The following MTAP variants were observed in gnomAD, a reference collection of about 807,000 sequenced individuals.
MTAP encodes methylthioadenosine phosphorylase, also known as S-methyl-5'-thioadenosine phosphorylase.
MTAP carries 33 observed loss-of-function variants against 33.6 expected under a neutral mutation model. The ratio of observed to expected loss-of-function variants is 0.98; its 90% CI spans 0.74 to 1.31. The LOEUF (loss-of-function observed/expected upper bound fraction) is 1.31, where lower values mean the gene tolerates loss of function less well. Ranked by LOEUF, MTAP falls within the 40% of genes most tolerant of loss-of-function variation. MTAP has a pLI of 0.00. For missense variants in MTAP, 367 were observed against 360.0 expected (o/e 1.02, Z -0.16); for synonymous variants, 148 against 125.7 (o/e 1.18, Z -1.19).
chr9:21,930,696 C>T lies in MTAP; in HGVS notation c.148-312C>T, dbSNP rs1818943502. 11 of 575,804 alleles carry T rather than the reference C, an allele frequency of 1.9e-5. 1 individual carries two copies. In the South Asian group the frequency reaches 2.1e-4, roughly 11 times the overall value. 35.7% of individuals were successfully genotyped at this position (575,804 alleles called of 1,614,324 possible). On this transcript the variant is annotated intron_variant, in intron 1 of 1. Coordinates refer to the MTAP transcript ENST00000577563. ...TAACACTTTAGCAGTTGTAGTCCTC[C>T]AAAACTGTCAAGGACTAGATATGTT...
intron 1 of MTAP, among the ~76,000 whole-genome samples, chr9:21,887,727 A>G (rs1818136460): frequency 6.6e-6 from 1 of 152,224 alleles, no homozygotes; most frequent in African/African-American, 2.4e-5. Flanking sequence ...CAGTCCCACC[A>G]ACAGTGTAAA....
chr9:21,821,116 A>T (rs188273601), intron 4 of MTAP, among the ~76,000 whole-genome samples: 79 of 152,234 alleles, frequency 5.2e-4, no homozygotes, highest in Admixed American at 4.6e-3. Context: ...TACCCTTTAC[A>T]TCTTTCTCCT....
intron 1 of MTAP, among the ~76,000 whole-genome samples, chr9:21,876,654 G>A (rs1320004946): frequency 2.0e-5 from 3 of 152,028 alleles, no homozygotes; most frequent in Non-Finnish European, 4.4e-5. Context: ...GTTTTTGTCA[G>A]CTTTGTCAAA....
At chr9:21,821,915 A>G (rs1824652031) in intron 4 of MTAP, among the ~76,000 whole-genome samples, 1 of 152,150 alleles carries the variant, frequency 6.6e-6, no homozygotes, top group African/African-American at 2.4e-5. Flanking sequence ...GTTTATTTGC[A>G]TAGAAGTGTT....
At chr9:21,911,496 C>T (rs1028238579) in intron 1 of MTAP, among the ~76,000 whole-genome samples, 1 of 152,250 alleles carries the variant, frequency 6.6e-6, no homozygotes, top group East Asian at 1.9e-4. Context: ...CGCTCAACTA[C>T]ATGTAAACTG....
intron 1 of MTAP, among the ~76,000 whole-genome samples, chr9:21,904,854 G>C (rs977934803): frequency 6.6e-6 from 1 of 152,184 alleles, no homozygotes; most frequent in Non-Finnish European, 1.5e-5. Flanking sequence ...TTATCATTAA[G>C]TTTTTACCTA....
downstream of MTAP, among the ~76,000 whole-genome samples, chr9:21,867,706 A>C (rs575732622): frequency 3.3e-5 from 5 of 152,212 alleles, no homozygotes; most frequent in African/African-American, 9.6e-5. Flanking sequence ...AAACTTCAAA[A>C]AAAAAAAGAT....
chr9:21,861,737 G>T, intron 7 of MTAP: 2 of 549,774 alleles, frequency 3.6e-6, no homozygotes, highest in Non-Finnish European at 6.5e-6. Context: ...ACAATGCTCT[G>T]AGATAAGCAT....
At chr9:21,837,842 C>T in intron 4 of MTAP, 66 bp from the exon 5 acceptor site, 1 of 1,315,388 alleles carries the variant, frequency 7.6e-7, no homozygotes, top group East Asian at 2.3e-5. Context: ...ACTCACCAGC[C>T]CTCGGAGGAT....
chr9:21,891,580 A>G lies in MTAP; in HGVS notation c.147+36710A>G, dbSNP rs192427455. ...CCAGTTCTTCAAATCAACTCAGACAAAAATAAAAAAGAATGAACAAAACCT... is the reference window on the plus strand; with the variant it reads ...CCAGTTCTTCAAATCAACTCAGACAGAAATAAAAAAGAATGAACAAAACCT... On this transcript the variant is annotated intron_variant, in intron 1 of 1. Coordinates refer to the MTAP transcript ENST00000577563. 4.1e-3 allele frequency among the ~76,000 whole-genome samples: 622 copies of G among 152,324 alleles called. 4 individuals are homozygous for G. The highest frequency in any genetic ancestry group is 5.6e-3 in the Non-Finnish European group (378 of 68,014).
intron 4 of MTAP, among the ~76,000 whole-genome samples, chr9:21,821,416 C>G (rs545458236): frequency 6.6e-6 from 1 of 152,244 alleles, no homozygotes; most frequent in East Asian, 1.9e-4. Context: ...TGTTTATATG[C>G]TGGATTATGT....
chr9:21,864,304 T>G lies in MTAP; in HGVS notation c.*2290T>G. 1 of 985,438 alleles carries G rather than the reference T, an allele frequency of 1.0e-6. No individual in the cohort carries two copies. The highest frequency in any genetic ancestry group is 1.2e-6 in the Non-Finnish European group (1 of 829,928). The allele number at this position is 985,438 out of a possible 1,614,324, so 61.0% of individuals were successfully genotyped here. On this transcript the variant is annotated 3_prime_UTR_variant, in exon 8 of 8. Transcript: ENST00000644715. ...TCATACCTTATGCTTGAGGATATTG[T>G]TGAAGAACACTTCCTGGAACACTTC... is the stretch of plus-strand genomic sequence containing the variant.
chr9:21,896,953 C>A (rs1204694389), intron 1 of MTAP, among the ~76,000 whole-genome samples: 1 of 152,190 alleles, frequency 6.6e-6, no homozygotes, highest in Admixed American at 6.5e-5. Flanking sequence ...ACCAATATCC[C>A]TGATGAACAT....
intron 6 of MTAP, among the ~76,000 whole-genome samples, chr9:21,857,117 T>C (rs878903303): frequency 1.3e-5 from 2 of 152,100 alleles, no homozygotes; most frequent in Admixed American, 1.3e-4. Context: ...AACTGCACCT[T>C]GAAGAGAGGG....
At chr9:21,935,156 A>G (rs1469760150), downstream of MTAP, 1 of 152,260 alleles carries the variant, frequency 6.6e-6, no homozygotes, top group African/African-American at 2.4e-5. Flanking sequence ...ATTGAATTAT[A>G]GAATAGAATT....
At chr9:21,905,222 G>A (rs1587287584) in intron 1 of MTAP, among the ~76,000 whole-genome samples, 1 of 152,180 alleles carries the variant, frequency 6.6e-6, no homozygotes, top group East Asian at 1.9e-4. Context: ...GAGTGCATGA[G>A]TGCAAGGTTT....
chr9:21,906,918 A>T (rs1405119111), intron 1 of MTAP, among the ~76,000 whole-genome samples: 6 of 152,232 alleles, frequency 3.9e-5, no homozygotes, highest in Non-Finnish European at 7.3e-5. Context: ...CTGTCAAAGA[A>T]TGCTTGGCAG....
chr9:21,886,166 G>A (rs1225072472), intron 1 of MTAP, among the ~76,000 whole-genome samples: 1 of 150,298 alleles, frequency 6.7e-6, no homozygotes, highest in Non-Finnish European at 1.5e-5. Flanking sequence ...GATTAAGGTC[G>A]TATCACGTTG....
rs184190355 is a variant in MTAP, at chr9:21,921,644, A to C, written c.148-9364A>C. Among the ~76,000 whole-genome samples, 79 of 152,326 alleles carry C rather than the reference A, an allele frequency of 5.2e-4. No homozygotes were observed. The East Asian group carries it at 0.011, about 22-fold the overall frequency. On this transcript the variant is annotated intron_variant, in intron 1 of 1. Coordinates refer to the MTAP transcript ENST00000577563. ...GATTTTGATTATCATGCAGAGCCTTACAAGAGACTCAATAAATCAAAATAT... is the reference window on the plus strand; with the variant it reads ...GATTTTGATTATCATGCAGAGCCTTCCAAGAGACTCAATAAATCAAAATAT...
Sources: allele counts gnomAD v4.1 joint callset (sites outside exome capture counted in the v4.1 genomes callset), GRCh38; gene constraint gnomAD v4.1.1; transcripts MANE v1.5; gene names NCBI Gene and HGNC (gene_info 2026-07-23, HGNC 2026-07-21).